The following ADARB2 variants were observed in gnomAD, a reference collection of about 807,000 sequenced individuals.
The protein encoded by ADARB2 is adenosine deaminase RNA specific B2 (inactive).
ADARB2 carries 25 observed loss-of-function variants against 62.2 expected under a neutral mutation model. The observed-to-expected ratio is 0.40, with a 90% CI of 0.29 to 0.56. The LOEUF (loss-of-function observed/expected upper bound fraction) is 0.56. Ranked by LOEUF, ADARB2 falls within the 20% of genes least tolerant of loss-of-function variation. The pLI, the probability that ADARB2 is intolerant of heterozygous loss-of-function variation, is 0.43. For synonymous variants in ADARB2, 572 were observed against 500.8 expected, an observed-to-expected ratio of 1.14 and a Z score of -1.90; for missense variants, 1,071 against 1,077.4, an observed-to-expected ratio of 0.99 and a Z score of 0.08.
At chr10:1,407,154 C>G (rs1412444222) in intron 1 of ADARB2, among the ~76,000 whole-genome samples, 2 of 152,214 alleles carry the variant, frequency 1.3e-5, no homozygotes, top group Non-Finnish European at 2.9e-5. Context: ...CCCTGGTTCC[C>G]TGACACAGTG....
intron 6 of ADARB2, among the ~76,000 whole-genome samples, chr10:1,217,937 C>G (rs1339701279): frequency 6.6e-6 from 1 of 152,172 alleles, no homozygotes; most frequent in Non-Finnish European, 1.5e-5. Context: ...TCTAGGGTCC[C>G]CTTGACACCC....
chr10:1,437,535 G>A (rs571969638), intron 1 of ADARB2, among the ~76,000 whole-genome samples: 2 of 152,286 alleles, frequency 1.3e-5, no homozygotes, highest in African/African-American at 4.8e-5. Flanking sequence ...GCAGTTGTGT[G>A]CCTGGCTGTG....
chr10:1,544,584 G>A (rs939687847), intron 1 of ADARB2, among the ~76,000 whole-genome samples: 1 of 152,156 alleles, frequency 6.6e-6, no homozygotes, highest in Non-Finnish European at 1.5e-5. Context: ...GTGGCAGGAG[G>A]ATAATGCCGG....
intron 1 of ADARB2, among the ~76,000 whole-genome samples, chr10:1,516,439 G>A (rs889277100): frequency 5.9e-5 from 9 of 152,116 alleles, no homozygotes; most frequent in Non-Finnish European, 1.3e-4. Context: ...ACACGCTTCA[G>A]ACCAAATGTC....
chr10:1,526,782 C>G (rs919286357), intron 1 of ADARB2: 4 of 498,560 alleles, frequency 8.0e-6, no homozygotes, highest in Non-Finnish European at 1.7e-5. Context: ...CATGAAGCAG[C>G]TGTTCCCGCC....
intron 2 of ADARB2, among the ~76,000 whole-genome samples, chr10:1,372,924 G>A (rs916390311): frequency 6.6e-6 from 1 of 152,106 alleles, no homozygotes; most frequent in Non-Finnish European, 1.5e-5. Context: ...GAAAGGTTTA[G>A]CATCTAACCA....
intron 1 of ADARB2, among the ~76,000 whole-genome samples, chr10:1,489,538 C>T (rs1399391368): frequency 3.9e-5 from 6 of 152,240 alleles, no homozygotes; most frequent in African/African-American, 1.2e-4. Flanking sequence ...CCGCAAGTCT[C>T]GAGCTTTCTG....
chr10:1,389,836 C>A (rs147249671), intron 1 of ADARB2, among the ~76,000 whole-genome samples: 3 of 151,784 alleles, frequency 2.0e-5, no homozygotes, highest in African/African-American at 7.3e-5. Flanking sequence ...TGTCAGTAAC[C>A]ATGTGGAAAA....
At chr10:1,620,004 AAAAC>A (rs1377767775) in intron 1 of ADARB2, among the ~76,000 whole-genome samples, 1 of 152,132 alleles carries the variant, frequency 6.6e-6, no homozygotes. Flanking sequence ...TAACTGCACT[AAAAC>A]AAAATTATAT....
At chr10:1,195,247 C>T (rs1044169820) in intron 8 of ADARB2, among the ~76,000 whole-genome samples, 2 of 152,144 alleles carry the variant, frequency 1.3e-5, no homozygotes, top group Non-Finnish European at 2.9e-5. Context: ...TCCTTGGTGC[C>T]ACCAAGGAGA....
chr10:1,528,549 G>A (rs1299671635), intron 1 of ADARB2, among the ~76,000 whole-genome samples: 1 of 152,198 alleles, frequency 6.6e-6, no homozygotes, highest in Non-Finnish European at 1.5e-5. Context: ...AGAATTTCAC[G>A]TTACTTGTCT....
At chr10:1,682,593 C>G (rs1043616898) in intron 1 of ADARB2, among the ~76,000 whole-genome samples, 1 of 152,120 alleles carries the variant, frequency 6.6e-6, no homozygotes, top group Non-Finnish European at 1.5e-5. Context: ...GTGTAATTTC[C>G]GAATGGCAAC....
chr10:1,340,948 G>T (rs1305568173), intron 3 of ADARB2, among the ~76,000 whole-genome samples: 19 of 149,528 alleles, frequency 1.3e-4, no homozygotes, highest in Non-Finnish European at 2.8e-4. Context: ...GTGATAATCA[G>T]CATCAGGCAG....
At chr10:1,410,360 G>C (rs1164493251) in intron 1 of ADARB2, among the ~76,000 whole-genome samples, 4 of 152,198 alleles carry the variant, frequency 2.6e-5, no homozygotes, top group Admixed American at 2.0e-4. Flanking sequence ...TGTGGTCATG[G>C]GGAAGGATTC....
At chr10:1,603,824 G>C (rs1394402346) in intron 1 of ADARB2, among the ~76,000 whole-genome samples, 2 of 151,338 alleles carry the variant, frequency 1.3e-5, no homozygotes, top group African/African-American at 4.9e-5. Context: ...TTTATTTTGA[G>C]ACAGAGTTTT....
chr10:1,359,540 A>G (rs942357827), intron 3 of ADARB2, among the ~76,000 whole-genome samples: 11 of 152,228 alleles, frequency 7.2e-5, no homozygotes, highest in African/African-American at 2.7e-4. Context: ...ACACAAGTCT[A>G]TCGTACGTCA....
intron 5 of ADARB2, among the ~76,000 whole-genome samples, chr10:1,238,686 C>T (rs1188815106): frequency 0.01 from 1 of 100 alleles, no homozygotes; most frequent in African/African-American, 0.1. Context: ...TTTACTCCCC[C>T]CTGCCTCCCG....
chr10:1,498,413 AT>A (rs888582708), intron 1 of ADARB2, among the ~76,000 whole-genome samples: 1 of 151,660 alleles, frequency 6.6e-6, no homozygotes, highest in African/African-American at 2.4e-5. Context: ...TAAATAAGTA[AT>A]TTTTTTAAAA....
At chr10:1,571,330 AT>A (rs1422392703) in intron 1 of ADARB2, among the ~76,000 whole-genome samples, 2 of 151,774 alleles carry the variant, frequency 1.3e-5, no homozygotes, top group African/African-American at 4.8e-5. Context: ...TTTGTTTACA[AT>A]TTCATGAAAA....
Sources: gnomAD v4.1 joint callset for allele counts (sites outside exome capture counted in the v4.1 genomes callset) on GRCh38, gnomAD v4.1.1 for gene constraint, MANE v1.5 for transcripts, NCBI Gene and HGNC (gene_info 2026-07-23, HGNC 2026-07-21) for gene names.